KLHL1: variants seen among roughly 807,000 people sequenced by gnomAD.
KLHL1 encodes kelch-like protein 1.
A neutral mutation model predicts 77.7 loss-of-function variants in KLHL1; 47 were observed. The ratio of observed to expected loss-of-function variants is 0.60; its 90% CI spans 0.48 to 0.77. The LOEUF (loss-of-function observed/expected upper bound fraction) is 0.77. KLHL1 is among the 30% of genes least tolerant of loss of function. KLHL1 has a pLI of 0.00. For missense variants in KLHL1, 925 were observed against 910.8 expected (o/e 1.02, Z -0.20); for synonymous variants, 360 against 325.2 (o/e 1.11, Z -1.15).
chr13:69,955,827 C>T (rs183429604), intron 3 of KLHL1, among the ~76,000 whole-genome samples: 1 of 145,648 alleles, frequency 6.9e-6, no homozygotes, highest in East Asian at 2.0e-4. Flanking sequence ...TTGCTGTTAT[C>T]AAAAATTGTT....
chr13:70,063,095 C>T (rs1886928778), intron 1 of KLHL1, among the ~76,000 whole-genome samples: 2 of 152,012 alleles, frequency 1.3e-5, no homozygotes, highest in Admixed American at 6.6e-5. Flanking sequence ...TTCAGATTCC[C>T]CTGAACAGAA....
intron 6 of KLHL1, among the ~76,000 whole-genome samples, chr13:69,804,747 T>C (rs922127344): frequency 6.6e-6 from 1 of 152,156 alleles, no homozygotes; most frequent in African/African-American, 2.4e-5. Context: ...ATAAAATCCA[T>C]ATTATATAAT....
At chr13:69,945,578 G>T (rs1883500563) in intron 3 of KLHL1, among the ~76,000 whole-genome samples, 1 of 151,962 alleles carries the variant, frequency 6.6e-6, no homozygotes, top group South Asian at 2.1e-4. Context: ...AATATATAAA[G>T]AATTTTCGAA....
intron 1 of KLHL1, among the ~76,000 whole-genome samples, chr13:70,093,873 C>G (rs1472908159): frequency 2.0e-5 from 3 of 152,074 alleles, no homozygotes; most frequent in Non-Finnish European, 4.4e-5. Context: ...TTATTATACA[C>G]TTTATCAAGA....
chr13:69,741,757 T>C (rs983881577), intron 7 of KLHL1, among the ~76,000 whole-genome samples: 1 of 152,184 alleles, frequency 6.6e-6, no homozygotes, highest in Admixed American at 6.6e-5. Flanking sequence ...AAATCTTCGA[T>C]AAAACCTCTT....
chr13:70,001,657 TTATCTATCTATCTATC>T (rs71116972), intron 1 of KLHL1, among the ~76,000 whole-genome samples: 14 of 145,272 alleles, frequency 9.6e-5, no homozygotes, highest in South Asian at 4.4e-4. Context: ...TATCTATCTA[TTATCTATCTATCTATC>T]TATCTATCTA....
intron 1 of KLHL1, among the ~76,000 whole-genome samples, chr13:70,043,255 T>C (rs1423524345): frequency 6.6e-6 from 1 of 151,682 alleles, no homozygotes; most frequent in Non-Finnish European, 1.5e-5. Flanking sequence ...AAAATAAAAA[T>C]AAAAATGAGA....
chr13:70,012,695 G>A (rs780060158), intron 1 of KLHL1, among the ~76,000 whole-genome samples: 11 of 152,146 alleles, frequency 7.2e-5, no homozygotes, highest in Middle Eastern at 6.8e-3. Context: ...TGGATCACGA[G>A]GTCAGGAGAT....
At chr13:69,744,392 C>T (rs767858715) in intron 7 of KLHL1, among the ~76,000 whole-genome samples, 10 of 151,948 alleles carry the variant, frequency 6.6e-5, no homozygotes, top group Non-Finnish European at 1.0e-4. Context: ...CTGGTTACTA[C>T]TTAGTGATAT....
intron 2 of KLHL1, among the ~76,000 whole-genome samples, chr13:69,972,472 T>C (rs1383090510): frequency 6.6e-6 from 1 of 151,904 alleles, no homozygotes; most frequent in Non-Finnish European, 1.5e-5. Flanking sequence ...AAGTTTTCAT[T>C]TGATCATGAA....
chr13:70,027,452 T>A (rs1024496848), intron 1 of KLHL1, among the ~76,000 whole-genome samples: 4 of 151,888 alleles, frequency 2.6e-5, no homozygotes, highest in Admixed American at 2.6e-4. Flanking sequence ...AACTATGCAG[T>A]CACAAAACCA....
chr13:69,897,051 T>C (rs1566376254), intron 4 of KLHL1, among the ~76,000 whole-genome samples: 1 of 152,194 alleles, frequency 6.6e-6, no homozygotes, highest in Admixed American at 6.5e-5. Flanking sequence ...AGAATAGTAT[T>C]GATAATATTA....
At chr13:69,822,604 A>C (rs1334615383) in intron 6 of KLHL1, among the ~76,000 whole-genome samples, 2 of 152,162 alleles carry the variant, frequency 1.3e-5, no homozygotes, top group Non-Finnish European at 2.9e-5. Flanking sequence ...TTCTTGAGTC[A>C]CTTAAAAGGT....
chr13:69,870,604 C>T (rs1406104423), intron 5 of KLHL1, among the ~76,000 whole-genome samples: 3 of 151,896 alleles, frequency 2.0e-5, no homozygotes, highest in African/African-American at 7.3e-5. Flanking sequence ...AGACTCAAGG[C>T]AAGTTACAGC....
At chr13:69,837,647 T>TAC (rs1491248389) in intron 6 of KLHL1, among the ~76,000 whole-genome samples, 2 of 122,224 alleles carry the variant, frequency 1.6e-5, no homozygotes, top group Admixed American at 8.0e-5. Flanking sequence ...TATATATGTG[T>TAC]ATATATATAT....
At chr13:70,029,204 C>A (rs190830831) in intron 1 of KLHL1, among the ~76,000 whole-genome samples, 3 of 152,010 alleles carry the variant, frequency 2.0e-5, no homozygotes, top group Non-Finnish European at 2.9e-5. Flanking sequence ...CTTGAACTTG[C>A]GGCCTGTGAT....
chr13:70,046,229 A>T (rs1044714208), intron 1 of KLHL1, among the ~76,000 whole-genome samples: 1 of 152,176 alleles, frequency 6.6e-6, no homozygotes, highest in Non-Finnish European at 1.5e-5. Flanking sequence ...GAAAAAAAAA[A>T]ATGTCATAAA....
intron 3 of KLHL1, among the ~76,000 whole-genome samples, chr13:69,949,020 T>C (rs1381133447): frequency 6.6e-6 from 1 of 151,944 alleles, no homozygotes. Context: ...TAGTTTTATA[T>C]GAAAATACTT....
chr13:69,717,869 C>T (rs565817850), intron 9 of KLHL1, among the ~76,000 whole-genome samples: 4 of 152,184 alleles, frequency 2.6e-5, no homozygotes, highest in South Asian at 2.1e-4. Context: ...TCCTGATTTC[C>T]GTGGACTAGA....
Sources: gnomAD v4.1 joint callset for allele counts (sites outside exome capture counted in the v4.1 genomes callset) on GRCh38, gnomAD v4.1.1 for gene constraint, MANE v1.5 for transcripts, NCBI Gene and HGNC (gene_info 2026-07-23, HGNC 2026-07-21) for gene names.